Variants in BDH1 observed in about 807,000 individuals in gnomAD.
BDH1 encodes D-beta-hydroxybutyrate dehydrogenase, mitochondrial.
In BDH1, 30 loss-of-function variants were observed where a neutral mutation model predicts 33.1. That is an observed-to-expected ratio of 0.91 (90% CI 0.68 to 1.23). BDH1 has a LOEUF of 1.23. Among genes scored for constraint, BDH1 ranks in the 50% most tolerant of loss-of-function variants. The pLI is 0.00. For missense variants in BDH1, 443 were observed against 464.4 expected (o/e 0.95, Z 0.42); for synonymous variants, 190 against 183.6 (o/e 1.03, Z -0.28).
At chr3:197,512,578 G>C (rs918726527) in intron 7 of BDH1, among the ~76,000 whole-genome samples, 1 of 152,238 alleles carries the variant, frequency 6.6e-6, no homozygotes, top group East Asian at 1.9e-4. Context: ...GGACAGGGGA[G>C]GACAAGTGAG....
At chr3:197,572,741 T>A (rs1196014283) in intron 1 of BDH1, among the ~76,000 whole-genome samples, 2 of 152,086 alleles carry the variant, frequency 1.3e-5, no homozygotes, top group Non-Finnish European at 2.9e-5. Context: ...CATTTCTAAA[T>A]AAATAAATAA....
Position 197,520,455 on chromosome 3 carries a change from G to A in BDH1, c.409+2185C>T, listed in dbSNP as rs1713420755. ...CAGGGGGTGAGTGCCTCCCCTCTGT[G>A]TGGGCCGGGGCCCACCCTGCCTTGT... is the stretch of plus-strand genomic sequence containing the variant. On this transcript the variant is annotated intron_variant, in intron 6 of 7. Coordinates refer to ENST00000392379, the MANE Select transcript of BDH1 (RefSeq NM_203314.3). This position sits in a 1 kb window ranked among gnomAD's most constrained non-coding sequence, Gnocchi z 6.0. Among the ~76,000 whole-genome samples the A allele has an allele frequency of 6.6e-6, 1 of 152,200 alleles. No individual in the cohort carries two copies. The highest frequency in any genetic ancestry group is 1.9e-4 in the East Asian group (1 of 5,186).
chr3:197,511,669 C>A lies in BDH1; in HGVS notation c.*226G>T. ...GGAGAGATAGATTCACCATGTTTGC[C>A]CTGAGATTTAGAGGCCTCTGCCTGC... On this transcript the variant is annotated 3_prime_UTR_variant, in exon 8 of 8. Transcript: ENST00000392379. The A allele has an allele frequency of 2.2e-6, 1 of 456,474 alleles. No individual in the cohort carries two copies. The highest frequency in any genetic ancestry group is 3.8e-6 in the Non-Finnish European group (1 of 261,126). 28.3% of individuals were successfully genotyped at this position (456,474 alleles called of 1,614,324 possible).
upstream of BDH1, among the ~76,000 whole-genome samples, chr3:197,560,896 T>C (rs762452598): frequency 5.9e-5 from 9 of 152,322 alleles, no homozygotes; most frequent in East Asian, 1.9e-4. Context: ...GTCTCTCACC[T>C]ACTTGTGACC....
At chr3:197,556,425 TG>T (rs1170957968), upstream of BDH1, among the ~76,000 whole-genome samples, 11 of 152,170 alleles carry the variant, frequency 7.2e-5, no homozygotes, top group Non-Finnish European at 1.6e-4. Flanking sequence ...TCCAGCACTT[TG>T]GGAGGCTGAG....
At chr3:197,513,550 C>A (rs1712343177) in intron 7 of BDH1, among the ~76,000 whole-genome samples, 1 of 152,012 alleles carries the variant, frequency 6.6e-6, no homozygotes, top group African/African-American at 2.4e-5. Context: ...AGGTGTGTCC[C>A]CGGGAGGGAA....
At position 197,512,259 on chromosome 3, in the gene BDH1, C is replaced by A; in HGVS notation, c.668G>T (p.Arg223Leu). The A allele has an allele frequency of 1.2e-6, 2 of 1,613,242 alleles. No homozygotes were observed. The highest frequency in any genetic ancestry group is 1.7e-6 in the Non-Finnish European group (2 of 1,180,038). ...CACGCCCAGGGGGTACATCTCATAGCGCAGGCAGTCCGAGAAAGCCTCTAC... is the reference window on the plus strand; with the variant it reads ...CACGCCCAGGGGGTACATCTCATAGAGCAGGCAGTCCGAGAAAGCCTCTAC... ...FGVEAFSDCL[R>L]YEMYPLGVKV... Residue 223 changes from arginine (R) to leucine (L), a missense_variant, in exon 8 of 8, where the codon CGC becomes CTC. Physicochemically the swap from Arg to Leu is moderately radical, Grantham distance 102. Transcript: ENST00000392379.
At chr3:197,566,604 A>T (rs1717442429) in intron 1 of BDH1, among the ~76,000 whole-genome samples, 1 of 152,246 alleles carries the variant, frequency 6.6e-6, no homozygotes, top group Admixed American at 6.5e-5. Flanking sequence ...GTATACAAAT[A>T]ATTAGGCCAA....
chr3:197,566,493 G>A (rs1400378809), intron 1 of BDH1, among the ~76,000 whole-genome samples: 1 of 152,138 alleles, frequency 6.6e-6, no homozygotes, highest in African/African-American at 2.4e-5. Flanking sequence ...GCTGGGCTCA[G>A]CTTTAAAAAA....
intron 6 of BDH1, among the ~76,000 whole-genome samples, chr3:197,519,429 G>A (rs1459844997): frequency 6.6e-6 from 1 of 151,886 alleles, no homozygotes; most frequent in Admixed American, 6.6e-5. Context: ...GGGAGTCCAA[G>A]GCAGGTGGAT....
rs1713638476 is a variant in BDH1 at position 197,522,304 on chromosome 3, A to C, written c.409+336T>G. Among the ~76,000 whole-genome samples, 1 of 152,104 alleles carries C rather than the reference A, an allele frequency of 6.6e-6. No homozygotes were observed. Among genetic ancestry groups the C allele is most frequent in the South Asian group, 2.1e-4 (1 of 4,818 alleles). On this transcript the variant is annotated intron_variant, in intron 6 of 7. Transcript: ENST00000392379. This position sits in a 1 kb window ranked among gnomAD's most constrained non-coding sequence, Gnocchi z 4.8. ...GGCTGAACTATGAGGTCCTGGGGAC[A>C]GAATGTGCCTTGACCATCTTTGTGT... is the stretch of plus-strand genomic sequence containing the variant.
chr3:197,565,352 A>G (rs1252581936), intron 1 of BDH1, among the ~76,000 whole-genome samples: 1 of 152,204 alleles, frequency 6.6e-6, no homozygotes, highest in Non-Finnish European at 1.5e-5. Context: ...ATTTTACAAT[A>G]ACCTGTGATA....
intron 1 of BDH1, among the ~76,000 whole-genome samples, chr3:197,561,127 G>T (rs1560346534): frequency 1.3e-5 from 2 of 152,084 alleles, no homozygotes; most frequent in Admixed American, 1.3e-4. Flanking sequence ...TCTCAGATTT[G>T]GGGGGGTTCA....
At chr3:197,573,297 T>C (rs1383047758) in exon 1 of BDH1, 1 of 152,216 alleles carries the variant, frequency 6.6e-6, no homozygotes, top group Non-Finnish European at 1.5e-5. Flanking sequence ...GGAAACCTTT[T>C]CCAGGCTTTC....
chr3:197,512,539 C>G (rs1263196603), intron 7 of BDH1, among the ~76,000 whole-genome samples, 175 bp from the exon 8 acceptor site: 1 of 152,242 alleles, frequency 6.6e-6, no homozygotes, highest in Non-Finnish European at 1.5e-5. Context: ...CACCCCTGGT[C>G]TTCCCTGGGA....
intron 6 of BDH1, chr3:197,515,212 G>GC: frequency 4.6e-6 from 4 of 870,784 alleles, no homozygotes; most frequent in Non-Finnish European, 5.5e-6. Flanking sequence ...TTCATTCACT[G>GC]CCCTCTGGTG....
At chr3:197,544,701 G>A (rs1405141222) in intron 3 of BDH1, among the ~76,000 whole-genome samples, 1 of 152,254 alleles carries the variant, frequency 6.6e-6, no homozygotes, top group Non-Finnish European at 1.5e-5. Flanking sequence ...GGGTCCTCAG[G>A]TAGGTGGAGC....
rs1579949403 is a variant in BDH1, at chr3:197,536,427, T to C, written c.84-2866A>G. On this transcript the variant is annotated intron_variant, in intron 3 of 7. Transcript: ENST00000392379. Reference sequence around the variant, plus strand: ...AAAGTGTGCTAAACCTGTATATCAATTTGGGGAAAGTTGGCATCTTTACTT... The same window carrying C: ...AAAGTGTGCTAAACCTGTATATCAACTTGGGGAAAGTTGGCATCTTTACTT... Among the ~76,000 whole-genome samples, 7 of 152,340 alleles carry C rather than the reference T, an allele frequency of 4.6e-5. 1 individual carries two copies. The South Asian group carries it at 1.4e-3, about 32-fold the overall frequency.
rs1295163254 is a variant in BDH1 at position 197,521,799 on chromosome 3, T to C, written c.409+841A>G. 6.6e-6 allele frequency among the ~76,000 whole-genome samples: 1 copy of C among 152,172 alleles called. No homozygotes were observed. The highest frequency in any genetic ancestry group is 1.5e-5 in the Non-Finnish European group (1 of 68,032). On this transcript the variant is annotated intron_variant, in intron 6 of 7. Coordinates refer to ENST00000392379, the MANE Select transcript of BDH1 (RefSeq NM_203314.3). The surrounding 1 kb of genome is among the most constrained non-coding windows in gnomAD (Gnocchi z 4.9). ...TCCTGTTTCCCAACACCTACCACCC[T>C]AGTTCCGGAGTCCAGAACCCATGTT... is the stretch of plus-strand genomic sequence containing the variant.
Sources: allele counts gnomAD v4.1 joint callset (sites outside exome capture counted in the v4.1 genomes callset), GRCh38; gene constraint gnomAD v4.1.1; non-coding constraint Gnocchi (gnomAD v3.1); transcripts MANE v1.5; gene names NCBI Gene and HGNC (gene_info 2026-07-23, HGNC 2026-07-21).